The following MAP4K5 variants were observed in gnomAD, a reference collection of about 807,000 sequenced individuals.
MAP4K5 encodes mitogen-activated protein kinase kinase kinase kinase 5.
MAP4K5 carries 82 observed loss-of-function variants against 135.6 expected under a neutral mutation model. That is an observed-to-expected ratio of 0.60 (90% CI 0.51 to 0.73). MAP4K5 has a LOEUF of 0.73. Among genes scored for constraint, MAP4K5 ranks in the 30% least tolerant of loss-of-function variants. The pLI is 0.00. For missense variants in MAP4K5, 907 were observed against 1,010.9 expected, an observed-to-expected ratio of 0.90 and a Z score of 1.39; for synonymous variants, 347 against 335.0, an observed-to-expected ratio of 1.04 and a Z score of -0.39.
chr14:50,529,386 C>A (rs951437131), intron 2 of MAP4K5, among the ~76,000 whole-genome samples: 4 of 151,998 alleles, frequency 2.6e-5, no homozygotes, highest in Non-Finnish European at 5.9e-5. Context: ...CATCCTGTAT[C>A]CAAACAAACA....
chr14:50,459,110 G>C (rs2036655205), intron 13 of MAP4K5, among the ~76,000 whole-genome samples: 1 of 152,162 alleles, frequency 6.6e-6, no homozygotes. Flanking sequence ...ATCATACCTA[G>C]CCTCAAACCT....
chr14:50,514,312 A>G (rs1040305445), intron 2 of MAP4K5, among the ~76,000 whole-genome samples: 10 of 151,702 alleles, frequency 6.6e-5, no homozygotes, highest in African/African-American at 2.4e-4. Flanking sequence ...CAAATTCCTT[A>G]CCTCAAGTAA....
intron 31 of MAP4K5, among the ~76,000 whole-genome samples, 172 bp from the exon 32 acceptor site, chr14:50,423,348 C>T (rs2035775194): frequency 6.7e-6 from 1 of 150,372 alleles, no homozygotes; most frequent in South Asian, 2.1e-4. Flanking sequence ...TAGAAATGAA[C>T]CCACATTTAT....
At chr14:50,495,767 G>A (rs1318249132) in intron 3 of MAP4K5, among the ~76,000 whole-genome samples, 1 of 152,186 alleles carries the variant, frequency 6.6e-6, no homozygotes, top group African/African-American at 2.4e-5. Context: ...TAACATAGAT[G>A]AACCTTGAGA....
chr14:50,512,665 T>G (rs1297292565), intron 2 of MAP4K5, among the ~76,000 whole-genome samples: 1 of 152,166 alleles, frequency 6.6e-6, no homozygotes, highest in East Asian at 1.9e-4. Context: ...AGTACCAGGC[T>G]CTTTTATAAT....
intron 2 of MAP4K5, among the ~76,000 whole-genome samples, chr14:50,526,424 T>G (rs796394940): frequency 1.3e-5 from 2 of 152,194 alleles, no homozygotes; most frequent in African/African-American, 4.8e-5. Flanking sequence ...CTCTCCCAAG[T>G]AGCTGGGATT....
chr14:50,463,649 T>G (rs969212800), intron 12 of MAP4K5, among the ~76,000 whole-genome samples: 1 of 151,956 alleles, frequency 6.6e-6, no homozygotes, highest in African/African-American at 2.4e-5. Context: ...TTTGGGAGGC[T>G]GAGGCGGGTG....
chr14:50,464,408 AG>A (rs1286317095), intron 11 of MAP4K5, among the ~76,000 whole-genome samples: 2 of 152,214 alleles, frequency 1.3e-5, no homozygotes. Context: ...CTTCTTTTCT[AG>A]GTACTACTTA....
intron 31 of MAP4K5, among the ~76,000 whole-genome samples, chr14:50,425,543 T>G (rs906311284): frequency 6.6e-6 from 1 of 152,176 alleles, no homozygotes; most frequent in Non-Finnish European, 1.5e-5. Context: ...TGCTCCATTA[T>G]GTATTAATTT....
At chr14:50,473,105 G>C (rs924417842) in intron 9 of MAP4K5, among the ~76,000 whole-genome samples, 3 of 152,022 alleles carry the variant, frequency 2.0e-5, no homozygotes, top group Admixed American at 2.0e-4. Context: ...TTCTTTATAT[G>C]TCTAAAAGGT....
intron 13 of MAP4K5, among the ~76,000 whole-genome samples, chr14:50,461,121 G>A (rs1333119144): frequency 2.6e-5 from 4 of 152,040 alleles, no homozygotes; most frequent in Non-Finnish European, 5.9e-5. Context: ...TGCCTCCTGG[G>A]TTCAAGAGAT....
intron 30 of MAP4K5, among the ~76,000 whole-genome samples, chr14:50,427,171 C>T (rs1230974346): frequency 6.6e-6 from 1 of 152,072 alleles, no homozygotes; most frequent in Non-Finnish European, 1.5e-5. Context: ...GAGGAACAAA[C>T]TTTTGTGTAA....
intron 3 of MAP4K5, among the ~76,000 whole-genome samples, chr14:50,490,888 A>C (rs1019956965): frequency 1.3e-5 from 2 of 152,180 alleles, no homozygotes; most frequent in Admixed American, 1.3e-4. Flanking sequence ...TAGTAAGAAA[A>C]AAGTAGAAAT....
At chr14:50,538,879 G>A (rs2038526330) in intron 2 of MAP4K5, among the ~76,000 whole-genome samples, 2 of 152,170 alleles carry the variant, frequency 1.3e-5, no homozygotes, top group Admixed American at 1.3e-4. Context: ...CTATTAACAA[G>A]TGCTATCATA....
At chr14:50,518,285 T>C (rs1425984379) in intron 2 of MAP4K5, among the ~76,000 whole-genome samples, 1 of 152,188 alleles carries the variant, frequency 6.6e-6, no homozygotes, top group Non-Finnish European at 1.5e-5. Flanking sequence ...ATTTTTACTT[T>C]AAGTTACAGG....
chr14:50,442,673 A>C (rs992434064), intron 21 of MAP4K5, 59 bp downstream of exon 21: 2 of 1,177,724 alleles, frequency 1.7e-6, no homozygotes, highest in Non-Finnish European at 2.5e-6. Flanking sequence ...ACTGATCATA[A>C]AGATCTTTCC....
At chr14:50,439,265 A>G (rs1378710264) in intron 23 of MAP4K5, among the ~76,000 whole-genome samples, 1 of 151,446 alleles carries the variant, frequency 6.6e-6, no homozygotes, top group Non-Finnish European at 1.5e-5. Context: ...AATGAAAGCA[A>G]TCAGCAAACT....
chr14:50,541,826 G>A (rs1033615889), intron 2 of MAP4K5, among the ~76,000 whole-genome samples: 8 of 151,558 alleles, frequency 5.3e-5, no homozygotes, highest in African/African-American at 1.9e-4. Context: ...TGAGATCACG[G>A]TGAAACCCCA....
intron 28 of MAP4K5, among the ~76,000 whole-genome samples, chr14:50,431,482 T>C (rs2035968721): frequency 6.6e-6 from 1 of 152,054 alleles, no homozygotes; most frequent in Non-Finnish European, 1.5e-5. Context: ...AATTCCCACC[T>C]ATGAGTGAGA....
Sources: allele counts gnomAD v4.1 joint callset (sites outside exome capture counted in the v4.1 genomes callset), GRCh38; gene constraint gnomAD v4.1.1; transcripts MANE v1.5; gene names NCBI Gene and HGNC (gene_info 2026-07-23, HGNC 2026-07-21).